Variants in CD4 observed in about 807,000 individuals in gnomAD.
CD4 encodes the protein T-cell surface glycoprotein CD4.
In CD4, 25 loss-of-function variants were observed where a neutral mutation model predicts 50.5. The observed-to-expected ratio is 0.49, with a 90% confidence interval of 0.36 to 0.69. The LOEUF is 0.69. Among genes scored for constraint, CD4 ranks in the 30% least tolerant of loss-of-function variants. CD4 has a pLI of 0.00. For missense variants in CD4, 456 were observed against 548.5 expected, an observed-to-expected ratio of 0.83 and a Z score of 1.68; for synonymous variants, 207 against 221.9, an observed-to-expected ratio of 0.93 and a Z score of 0.60.
chr12:6,801,705 CGT>C (rs1225722094), intron 3 of CD4, among the ~76,000 whole-genome samples: 1 of 150,396 alleles, frequency 6.6e-6, no homozygotes, highest in Admixed American at 6.7e-5. Flanking sequence ...GGACTACAGG[CGT>C]ATGCCACCAT....
At chr12:6,813,485 A>C (rs1022277373) in intron 3 of CD4, 3 of 152,208 alleles carry the variant, frequency 2.0e-5, no homozygotes, top group Non-Finnish European at 4.4e-5. Context: ...AACAAATAGT[A>C]GACTGTTTAA....
Position 6,792,865 on chromosome 12 carries a change from G to C in CD4, c.-68+3203G>C, listed in dbSNP as rs1942205635. Reference sequence around the variant, plus strand: ...GGTATATGAGGCAAAGAGGAAGACAGACACAGACACAGGGAGCTGCAGGCT... The same window carrying C: ...GGTATATGAGGCAAAGAGGAAGACACACACAGACACAGGGAGCTGCAGGCT... On this transcript the variant is annotated intron_variant, in intron 1 of 9. Transcript: ENST00000011653. The surrounding 1 kb of genome is among the most constrained non-coding windows in gnomAD (Gnocchi z 4.1). Among the ~76,000 whole-genome samples, 2 of 152,078 alleles carry C rather than the reference G, an allele frequency of 1.3e-5. No homozygotes were observed. The highest frequency in any genetic ancestry group is 2.9e-5 in the Non-Finnish European group (2 of 67,968).
At position 6,800,300 on chromosome 12, in the gene CD4, C is replaced by T. The variant is rs1555115028; in HGVS notation, c.50-7C>T. On this transcript the variant is annotated splice_polypyrimidine_tract_variant and splice_region_variant and intron_variant, in intron 2 of 9. Coordinates refer to ENST00000011653, the MANE Select transcript of CD4 (RefSeq NM_000616.5). The stretch of plus-strand genomic sequence containing the variant: ...ATTGAGACCTGACTCCTTTCTTTTC[C>T]ACTTAGCGCTCCTCCCAGCAGCCAC... The T allele has an allele frequency of 6.2e-7, 1 of 1,613,700 alleles. No individual in the cohort carries two copies. Among genetic ancestry groups the T allele is most frequent in the Admixed American group, 1.7e-5 (1 of 59,914 alleles).
At chr12:6,815,116 C>A in intron 5 of CD4, 124 bp downstream of exon 5, 2 of 702,390 alleles carry the variant, frequency 2.8e-6, no homozygotes, top group East Asian at 5.5e-5. Context: ...AAGACTAGGT[C>A]CCCTAGAGCT....
At chr12:6,802,960 C>G (rs1942609706) in intron 3 of CD4, among the ~76,000 whole-genome samples, 1 of 150,856 alleles carries the variant, frequency 6.6e-6, no homozygotes, top group Non-Finnish European at 1.5e-5. Flanking sequence ...GTCTCAATCT[C>G]TCGACTTCGT....
intron 7 of CD4, among the ~76,000 whole-genome samples, chr12:6,817,997 T>C (rs1326560999): frequency 2.0e-5 from 3 of 150,582 alleles, no homozygotes; most frequent in Non-Finnish European, 3.0e-5. Context: ...CGCGCGCACA[T>C]GCATGCAGTC....
rs77809623 is a variant in CD4, at chr12:6,793,411, C to T, written c.-68+3749C>T. ...GACTTCCCCTCTTTCATCCCCTGCT[C>T]ACCAAGGACCCAGTCAGTCTGGGAT... On this transcript the variant is annotated intron_variant, in intron 1 of 9. Coordinates refer to ENST00000011653, the MANE Select transcript of CD4 (RefSeq NM_000616.5). Among the ~76,000 whole-genome samples the T allele has an allele frequency of 5.1e-4, 78 of 152,244 alleles. 2 individuals are homozygous for T. In the East Asian group the frequency reaches 0.014, roughly 27 times the overall value.
At chr12:6,808,475 A>AAAAAAAAAAAAAAAT (rs1942841238) in intron 3 of CD4, among the ~76,000 whole-genome samples, 1 of 134,440 alleles carries the variant, frequency 7.4e-6, no homozygotes, top group Non-Finnish European at 1.5e-5. Context: ...AAAAAAAAAA[A>AAAAAAAAAAAAAAAT]AAAAAAAGTG....
Position 6,814,155 on chromosome 12 carries a change from G to A in CD4, c.228G>A (p.Leu76=). 2 of 1,613,960 alleles carry A rather than the reference G, an allele frequency of 1.2e-6. No individual in the cohort carries two copies. Among genetic ancestry groups the A allele is most frequent in the Non-Finnish European group, 8.5e-7 (1 of 1,179,940 alleles). The part of the protein sequence containing the change: ...GSFLTKGPSK[L]NDRADSRRSL... Reference sequence around the variant, plus strand: ...TTCTGCTCCCAGGTCCATCCAAGCTGAATGATCGCGCTGACTCAAGAAGAA... The same window carrying A: ...TTCTGCTCCCAGGTCCATCCAAGCTAAATGATCGCGCTGACTCAAGAAGAA... The change falls in exon 4 of 10, where the codon CTG becomes CTA. Residue 76 remains leucine, a synonymous_variant. Transcript: ENST00000011653.
chr12:6,813,686 A>G (rs1555117371), intron 3 of CD4: 1 of 154,976 alleles, frequency 6.5e-6, no homozygotes, highest in East Asian at 1.9e-4. Context: ...TAGATTACAA[A>G]TCACCATCCA....
chr12:6,806,156 TACAC>T (rs56979845), intron 3 of CD4, among the ~76,000 whole-genome samples: 14,254 of 107,292 alleles, frequency 0.13, 1,363 homozygotes, highest in African/African-American at 0.28. Context: ...AAAAGGTACA[TACAC>T]ACACACACAC....
chr12:6,807,907 C>T lies in CD4; in HGVS notation c.215-6235C>T, dbSNP rs546150028. Among the ~76,000 whole-genome samples, 45 of 151,844 alleles carry T rather than the reference C, an allele frequency of 3.0e-4. 1 individual carries two copies. Among genetic ancestry groups the T allele is most frequent in the South Asian group, 1.2e-3 (6 of 4,810 alleles). On this transcript the variant is annotated intron_variant, in intron 3 of 9. Coordinates refer to ENST00000011653, the MANE Select transcript of CD4 (RefSeq NM_000616.5). ...ACCAGCCTGGCCAACATGGCAAAAC[C>T]GGTCTCTACTAAAAATACAAAAATT...
At position 6,818,450 on chromosome 12, in the gene CD4, C is replaced by G. The variant is rs1410478222; in HGVS notation, c.1186C>G (p.Pro396Ala). 1 of 1,612,782 alleles carries G rather than the reference C, an allele frequency of 6.2e-7. No individual in the cohort carries two copies. The highest frequency in any genetic ancestry group is 8.5e-7 in the Non-Finnish European group (1 of 1,180,018). The change falls in exon 8 of 10, where the codon CCA becomes GCA. Residue 396 changes from proline (P) to alanine (A), a missense_variant. Coordinates refer to ENST00000011653, the MANE Select transcript of CD4 (RefSeq NM_000616.5). The surrounding 1 kb of genome is among the most constrained non-coding windows in gnomAD (Gnocchi z 5.0). Reference sequence around the variant, plus strand: ...GCCCACATGGTCCACCCCGGTGCAGCCAATGGCCCTGATTGTGCTGGGGGG... The same window carrying G: ...GCCCACATGGTCCACCCCGGTGCAGGCAATGGCCCTGATTGTGCTGGGGGG... The part of the protein sequence containing the change: ...VLPTWSTPVQ[P>A]MALIVLGGVA...
rs1555118703 is a variant in CD4, at chr12:6,819,425, T to C, written c.*96T>C. 3.5e-6 allele frequency: 4 copies of C among 1,141,154 alleles called. No homozygotes were observed. The highest frequency in any genetic ancestry group is 5.3e-6 in the Non-Finnish European group (4 of 752,692). 70.7% of individuals were successfully genotyped at this position (1,141,154 alleles called of 1,614,324 possible). ...AGATGAATGTAGCAGATCCCCAGCC[T>C]CTGGCCTCCTGTTCGCCTCCTCTAC... On this transcript the variant is annotated 3_prime_UTR_variant, in exon 10 of 10. Transcript: ENST00000011653.
chr12:6,815,189 C>A, intron 5 of CD4, 197 bp downstream of exon 5: 1 of 566,394 alleles, frequency 1.8e-6, no homozygotes, highest in Non-Finnish European at 3.1e-6. Flanking sequence ...GCAGCCACCC[C>A]TCAGTGTGGT....
intron 3 of CD4, 56 bp from the exon 4 acceptor site, chr12:6,814,086 G>T: frequency 6.7e-7 from 1 of 1,498,668 alleles, no homozygotes; most frequent in South Asian, 1.2e-5. Context: ...TCTCTTGCCA[G>T]AGGTGCCCTG....
rs1555117895 is a variant in CD4 at position 6,816,157 on chromosome 12, G to A, written c.709G>A (p.Glu237Lys). The change falls in exon 6 of 10, where the codon GAG (glutamate) becomes AAG (lysine). Residue 237 changes from glutamate to lysine, a missense_variant. Coordinates refer to ENST00000011653, the MANE Select transcript of CD4 (RefSeq NM_000616.5). This position sits in a 1 kb window ranked among gnomAD's most constrained non-coding sequence, Gnocchi z 4.9. ...FTVEKLTGSG[E>K]LWWQAERASS... The stretch of plus-strand genomic sequence containing the variant: ...AGTTGAAAAGCTGACGGGCAGTGGC[G>A]AGCTGTGGTGGCAGGCGGAGAGGGC... The A allele has an allele frequency of 6.2e-7, 1 of 1,614,170 alleles. No individual in the cohort carries two copies. The highest frequency in any genetic ancestry group is 1.1e-5 in the South Asian group (1 of 91,078).
intron 3 of CD4, among the ~76,000 whole-genome samples, chr12:6,809,313 G>T (rs1202823445): frequency 1.3e-5 from 2 of 152,054 alleles, no homozygotes; most frequent in Non-Finnish European, 2.9e-5. Context: ...CTGGGCAACA[G>T]GGCGAAACCT....
At chr12:6,791,872 C>G (rs1942172942) in intron 1 of CD4, among the ~76,000 whole-genome samples, 1 of 152,082 alleles carries the variant, frequency 6.6e-6, no homozygotes, top group African/African-American at 2.4e-5. Context: ...AGAGTGAGGC[C>G]CTGTCTCAAA....
Sources: gnomAD v4.1 joint callset for allele counts (sites outside exome capture counted in the v4.1 genomes callset) on GRCh38, gnomAD v4.1.1 for gene constraint, Gnocchi (gnomAD v3.1) non-coding constraint, MANE v1.5 for transcripts, NCBI Gene and HGNC (gene_info 2026-07-23, HGNC 2026-07-21) for gene names.